Variants in TENT5D observed in about 807,000 individuals in gnomAD.
The protein encoded by TENT5D is terminal nucleotidyltransferase 5D.
For missense variants in TENT5D, 191 were observed against 287.0 expected, an observed-to-expected ratio of 0.67 and a Z score of 2.42; for synonymous variants, 103 against 100.6, an observed-to-expected ratio of 1.02 and a Z score of -0.15.
chrX:80,376,797 T>C (rs1930736892), intron 3 of TENT5D, among the ~76,000 whole-genome samples: 1 of 112,051 alleles, frequency 8.9e-6, no homozygotes, highest in Admixed American at 9.5e-5. Flanking sequence ...CACTTTGGGT[T>C]ATTATCCATT....
intron 2 of TENT5D, among the ~76,000 whole-genome samples, chrX:80,439,168 T>G (rs371238638): frequency 1.8e-5 from 2 of 111,698 alleles, no homozygotes; most frequent in East Asian, 5.6e-4. Context: ...AATTAGAAAT[T>G]TCATGTTTTG....
intron 2 of TENT5D, among the ~76,000 whole-genome samples, chrX:80,335,953 G>A (rs894288539): frequency 1.8e-5 from 2 of 109,540 alleles, no homozygotes; most frequent in South Asian, 3.9e-4. Flanking sequence ...AGTCTATAAT[G>A]TGCAAGGAGG....
At chrX:80,443,788 A>T in exon 3 of TENT5D, 2 of 883,616 alleles carry the variant, frequency 2.3e-6, no homozygotes, top group South Asian at 3.0e-5. Context: ...AAAATTCAAG[A>T]TCTGTTTTTA....
At chrX:80,346,077 C>T (rs1013984201) in intron 3 of TENT5D, among the ~76,000 whole-genome samples, 5 of 112,128 alleles carry the variant, frequency 4.5e-5, no homozygotes, top group African/African-American at 1.6e-4. Context: ...AATCACTGAA[C>T]AGTTATAAAC....
intron 2 of TENT5D, among the ~76,000 whole-genome samples, chrX:80,339,309 A>G (rs189820208): frequency 9.0e-6 from 1 of 111,400 alleles, no homozygotes; most frequent in East Asian, 2.8e-4. Context: ...GCTGACTGGA[A>G]ATCTTTCTAG....
intron 3 of TENT5D, among the ~76,000 whole-genome samples, chrX:80,355,877 T>C (rs1930273986): frequency 9.0e-6 from 1 of 111,543 alleles, no homozygotes; most frequent in South Asian, 3.8e-4. Context: ...GCTGGTCTAG[T>C]TGACCTTCTT....
intron 3 of TENT5D, among the ~76,000 whole-genome samples, chrX:80,410,834 G>C (rs1293761330): frequency 9.3e-6 from 1 of 107,403 alleles, no homozygotes; most frequent in South Asian, 4.2e-4. Flanking sequence ...GCAAAGACTT[G>C]GAACCAACCC....
intron 1 of TENT5D, among the ~76,000 whole-genome samples, chrX:80,434,852 G>A (rs138479647): frequency 4.7e-3 from 481 of 102,468 alleles, no homozygotes; most frequent in South Asian, 7.2e-3. Context: ...ACACGATCTC[G>A]GCTCACTGCA....
intron 1 of TENT5D, among the ~76,000 whole-genome samples, chrX:80,430,090 C>G (rs1932059246): frequency 9.1e-6 from 1 of 110,159 alleles, no homozygotes; most frequent in Non-Finnish European, 1.9e-5. Flanking sequence ...CTCTCTGCTG[C>G]CTGTAGGGCT....
chrX:80,384,111 G>A (rs2147533492), intron 3 of TENT5D, among the ~76,000 whole-genome samples: 1 of 106,273 alleles, frequency 9.4e-6, no homozygotes, highest in Non-Finnish European at 1.9e-5. Context: ...GCCTGGCAGA[G>A]ACACAACAAA....
intron 3 of TENT5D, among the ~76,000 whole-genome samples, chrX:80,344,396 A>G (rs1930021294): frequency 9.0e-6 from 1 of 111,051 alleles, no homozygotes; most frequent in South Asian, 3.8e-4. Flanking sequence ...ACAGTGGCTG[A>G]ACTAATTTAC....
chrX:80,386,636 C>T (rs749395545), intron 3 of TENT5D, among the ~76,000 whole-genome samples: 1 of 111,448 alleles, frequency 9.0e-6, no homozygotes, highest in East Asian at 2.8e-4. Context: ...GTTGTAGGAT[C>T]GTTATTAATA....
chrX:80,426,992 C>T (rs1461584512), intron 1 of TENT5D, among the ~76,000 whole-genome samples: 1 of 111,384 alleles, frequency 9.0e-6, no homozygotes, highest in Admixed American at 9.6e-5. Context: ...ACTTTTGCTT[C>T]TTTCTCATTT....
At chrX:80,389,156 C>T (rs955114532) in intron 3 of TENT5D, among the ~76,000 whole-genome samples, 3 of 111,650 alleles carry the variant, frequency 2.7e-5, no homozygotes, top group African/African-American at 9.8e-5. Context: ...TCTTTACTAC[C>T]CTCTTCAGTG....
intron 3 of TENT5D, among the ~76,000 whole-genome samples, chrX:80,343,675 C>T (rs1201441577): frequency 9.0e-6 from 1 of 111,468 alleles, no homozygotes; most frequent in Non-Finnish European, 1.9e-5. Flanking sequence ...GCTGGGATTA[C>T]AGGCATGAGC....
rs769020755 is a variant in TENT5D, at chrX:80,441,452, TTAGA to T, written c.-18-1066_-18-1063del. On this transcript the variant is annotated intron_variant, in intron 2 of 2. Transcript: ENST00000308293. ...ATTTATATTCTGTTTTGATAGCTCCTTAGATAGGCAAAATATGAATACTGTCCAC... is the reference window on the plus strand; with the variant it reads ...ATTTATATTCTGTTTTGATAGCTCCTTAGGCAAAATATGAATACTGTCCAC... Among the ~76,000 whole-genome samples the T allele has an allele frequency of 2.7e-5, 3 of 111,391 alleles. No individual in the cohort carries two copies. The East Asian group carries it at 8.4e-4, about 31-fold the overall frequency.
At chrX:80,365,790 G>A (rs887138937) in intron 3 of TENT5D, among the ~76,000 whole-genome samples, 149 of 108,816 alleles carry the variant, frequency 1.4e-3, no homozygotes, top group Non-Finnish European at 2.2e-3. Context: ...GCAGTGAGCC[G>A]AGATTGTACC....
rs765820973 is a variant in TENT5D, at chrX:80,351,316, A to G, written c.-142+8752A>G. On this transcript the variant is annotated intron_variant, in intron 3 of 4. Coordinates refer to the TENT5D transcript ENST00000538312. The stretch of plus-strand genomic sequence containing the variant: ...AGGTTTGGTCTTTTTACATAGTCCC[A>G]TATTTCTTGGAGGCTTTGTTCATTC... Among the ~76,000 whole-genome samples, 6 of 107,867 alleles carry G rather than the reference A, an allele frequency of 5.6e-5. No individual in the cohort carries two copies. In the East Asian group the frequency reaches 1.5e-3, roughly 27 times the overall value. The allele number at this position is 107,867 out of a possible 115,157, so 93.7% of individuals were successfully genotyped here.
chrX:80,393,345 A>G (rs1477625828), intron 3 of TENT5D, among the ~76,000 whole-genome samples: 2 of 110,578 alleles, frequency 1.8e-5, no homozygotes, highest in African/African-American at 6.6e-5. Context: ...TCTCTCATTC[A>G]TTCATATTTC....
Sources: allele counts gnomAD v4.1 joint callset (sites outside exome capture counted in the v4.1 genomes callset), GRCh38; gene constraint gnomAD v4.1.1; transcripts MANE v1.5; gene names NCBI Gene and HGNC (gene_info 2026-07-23, HGNC 2026-07-21).